The following ARHGEF3 variants were observed in gnomAD, a reference collection of about 807,000 sequenced individuals.
The protein encoded by ARHGEF3 is 59.8 kDA protein.
A neutral mutation model predicts 63.2 loss-of-function variants in ARHGEF3; 28 were observed. The ratio of observed to expected loss-of-function variants is 0.44; its 90% CI spans 0.33 to 0.61. ARHGEF3 has a LOEUF of 0.61. Among genes scored for constraint, ARHGEF3 ranks in the 20% least tolerant of loss-of-function variants. The pLI, the probability that ARHGEF3 is intolerant of heterozygous loss-of-function variation, is 0.03. For missense variants in ARHGEF3, 533 were observed against 659.3 expected (o/e 0.81, Z 2.10); for synonymous variants, 266 against 254.2 (o/e 1.05, Z -0.44).
intron 2 of ARHGEF3, among the ~76,000 whole-genome samples, chr3:56,764,593 C>A (rs1373128120): frequency 2.0e-5 from 3 of 152,056 alleles, no homozygotes; most frequent in African/African-American, 7.2e-5. Flanking sequence ...AGATCTCTCC[C>A]TATAAGTGGT....
intron 1 of ARHGEF3, among the ~76,000 whole-genome samples, chr3:56,795,667 T>TTTTTTTTTTTTTTATATG: frequency 6.6e-6 from 1 of 151,098 alleles, no homozygotes; most frequent in South Asian, 2.1e-4. Context: ...TTTTTTTTTT[T>TTTTTTTTTTTTTTATATG]GAAGATGGAC....
intron 2 of ARHGEF3, among the ~76,000 whole-genome samples, chr3:56,964,833 C>A: frequency 6.6e-6 from 1 of 151,650 alleles, no homozygotes. Context: ...GTAGGCCAAG[C>A]CAAAGGAAAA....
chr3:57,036,165 T>C (rs1227949632), intron 1 of ARHGEF3, among the ~76,000 whole-genome samples: 1 of 152,118 alleles, frequency 6.6e-6, no homozygotes, highest in African/African-American at 2.4e-5. Flanking sequence ...CAATCAGTAC[T>C]TAATGAGTGA....
chr3:56,956,294 A>G (rs1395223537), intron 3 of ARHGEF3, among the ~76,000 whole-genome samples: 1 of 151,834 alleles, frequency 6.6e-6, no homozygotes, highest in African/African-American at 2.4e-5. Flanking sequence ...TTATTGAGAC[A>G]GAGTCTTGCT....
At chr3:57,073,707 G>T (rs369549967) in intron 1 of ARHGEF3, 1 of 1,613,800 alleles carries the variant, frequency 6.2e-7, no homozygotes, top group Admixed American at 1.7e-5. Context: ...GTCCAGTTCT[G>T]CTCTGACTTG....
At chr3:57,068,358 T>TTC (rs975525908) in intron 1 of ARHGEF3, among the ~76,000 whole-genome samples, 3 of 152,224 alleles carry the variant, frequency 2.0e-5, no homozygotes, top group African/African-American at 7.2e-5. Flanking sequence ...GCATTTATTA[T>TTC]CACAATAAAA....
At chr3:56,912,342 C>G (rs2041874892) in intron 3 of ARHGEF3, among the ~76,000 whole-genome samples, 1 of 152,214 alleles carries the variant, frequency 6.6e-6, no homozygotes, top group African/African-American at 2.4e-5. Flanking sequence ...AATGGGATAA[C>G]TTACCAAATC....
chr3:56,864,631 C>T (rs72870504), intron 4 of ARHGEF3, among the ~76,000 whole-genome samples: 98 of 152,270 alleles, frequency 6.4e-4, no homozygotes, highest in African/African-American at 2.3e-3. Flanking sequence ...CTCTTACCAC[C>T]AACCAACACA....
At chr3:57,073,488 G>C (rs1399704634) in intron 1 of ARHGEF3, 1 of 712,524 alleles carries the variant, frequency 1.4e-6, no homozygotes, top group Admixed American at 3.5e-5. Flanking sequence ...TGTGAACATG[G>C]GAAAACCTCT....
chr3:56,844,109 A>T (rs1423632101), intron 4 of ARHGEF3, among the ~76,000 whole-genome samples: 1 of 152,272 alleles, frequency 6.6e-6, no homozygotes, highest in Non-Finnish European at 1.5e-5. Context: ...AGTGCATGAC[A>T]AATTATTTAA....
intron 3 of ARHGEF3, among the ~76,000 whole-genome samples, chr3:56,937,586 A>C (rs1254476942): frequency 6.6e-6 from 1 of 152,242 alleles, no homozygotes; most frequent in Non-Finnish European, 1.5e-5. Context: ...TGTAGAAGAC[A>C]ACACATGAAG....
intron 2 of ARHGEF3, among the ~76,000 whole-genome samples, chr3:57,033,630 A>G (rs752652553): frequency 3.3e-5 from 5 of 152,204 alleles, no homozygotes; most frequent in Non-Finnish European, 5.9e-5. Flanking sequence ...TACAAGGTAG[A>G]TCCCAGTGGT....
At chr3:56,757,706 T>C (rs2035158674) in intron 2 of ARHGEF3, among the ~76,000 whole-genome samples, 1 of 151,744 alleles carries the variant, frequency 6.6e-6, no homozygotes, top group Admixed American at 6.6e-5. Context: ...ATTTCTGTCC[T>C]CCTTTATATA....
At chr3:56,984,530 C>T (rs186056494) in intron 2 of ARHGEF3, among the ~76,000 whole-genome samples, 121 of 150,992 alleles carry the variant, frequency 8.0e-4, no homozygotes, top group African/African-American at 2.7e-3. Context: ...AAATACTGGA[C>T]GAAAAACTAG....
chr3:56,976,669 T>A (rs1327740350), intron 2 of ARHGEF3, among the ~76,000 whole-genome samples: 4 of 152,208 alleles, frequency 2.6e-5, no homozygotes, highest in Admixed American at 2.0e-4. Flanking sequence ...AAGCAGTTTA[T>A]TGACTCCAAT....
At chr3:56,851,450 A>T (rs2108148197) in intron 4 of ARHGEF3, among the ~76,000 whole-genome samples, 1 of 152,302 alleles carries the variant, frequency 6.6e-6, no homozygotes, top group South Asian at 2.1e-4. Flanking sequence ...AAAGAAAAGA[A>T]ATTTATTTCT....
At chr3:57,062,042 A>C (rs1180821882) in intron 1 of ARHGEF3, among the ~76,000 whole-genome samples, 5 of 152,062 alleles carry the variant, frequency 3.3e-5, no homozygotes, top group Non-Finnish European at 5.9e-5. Context: ...AGGATCAAGT[A>C]AAAAAAGAGA....
chr3:57,005,903 T>C (rs4681940), intron 2 of ARHGEF3, among the ~76,000 whole-genome samples: 149,450 of 152,324 alleles, frequency 0.98, 73,375 homozygotes, highest in South Asian at 1. Flanking sequence ...TTTTTACGTA[T>C]GCGATCTCCT....
At chr3:56,867,685 G>A (rs2040299819) in intron 4 of ARHGEF3, among the ~76,000 whole-genome samples, 1 of 152,012 alleles carries the variant, frequency 6.6e-6, no homozygotes, top group South Asian at 2.1e-4. Context: ...TGCCCAGGTT[G>A]GTCTCGAGCT....
Sources: gnomAD v4.1 joint callset for allele counts (sites outside exome capture counted in the v4.1 genomes callset) on GRCh38, gnomAD v4.1.1 for gene constraint, MANE v1.5 for transcripts, NCBI Gene and HGNC (gene_info 2026-07-23, HGNC 2026-07-21) for gene names.